The following TMPRSS7 variants were observed in gnomAD, a reference collection of about 807,000 sequenced individuals.
The protein encoded by TMPRSS7 is transmembrane serine protease 7, also known as transmembrane protease serine 7.
A neutral mutation model predicts 95.6 loss-of-function variants in TMPRSS7; 81 were observed. The ratio of observed to expected loss-of-function variants is 0.85; its 90% CI spans 0.71 to 1.02. The LOEUF (loss-of-function observed/expected upper bound fraction) is 1.02. Ranked by LOEUF, TMPRSS7 falls within the 50% of genes least tolerant of loss-of-function variation. The pLI is 0.00. For missense variants in TMPRSS7, 945 were observed against 955.2 expected (o/e 0.99, Z 0.14); for synonymous variants, 364 against 337.8 (o/e 1.08, Z -0.85).
At chr3:112,074,327 T>C (rs1462557831) in exon 14 of TMPRSS7, 4 of 1,613,986 alleles carry the variant, frequency 2.5e-6, no homozygotes, top group African/African-American at 1.3e-5. Flanking sequence ...CTTTTAAGTG[T>C]GGCAATGATA....
chr3:112,045,747 TAGCAG>T lies in TMPRSS7; in HGVS notation c.498-2_500del. The T allele has an allele frequency of 2.6e-6, 4 of 1,546,556 alleles. No homozygotes were observed. Among genetic ancestry groups the T allele is most frequent in the Admixed American group, 4.0e-5 (2 of 50,420 alleles). ...CCTGATGATCTCTCTTTTTTCGTTATAGCAGCAACAACAAAGGCGGCCTCCTTGTC... is the reference window on the plus strand; with the variant it reads ...CCTGATGATCTCTCTTTTTTCGTTATCAACAACAAAGGCGGCCTCCTTGTC... On this transcript the variant is annotated splice_acceptor_variant and coding_sequence_variant, in exon 5 of 18. Coordinates refer to ENST00000452346, the Ensembl canonical transcript of TMPRSS7. LOFTEE classifies it high-confidence loss of function.
At chr3:112,061,846 A>T (rs200937737) in exon 11 of TMPRSS7, 1 of 1,613,168 alleles carries the variant, frequency 6.2e-7, no homozygotes, top group South Asian at 1.1e-5. Context: ...CCTCTGGTTC[A>T]CATTCAGCTC....
At chr3:112,075,353 A>G in exon 15 of TMPRSS7, 3 of 1,462,766 alleles carry the variant, frequency 2.1e-6, no homozygotes, top group Non-Finnish European at 2.7e-6. Context: ...CCTTCACCGC[A>G]TCATCGGAGG....
intron 1 of TMPRSS7, among the ~76,000 whole-genome samples, 187 bp from the exon 2 acceptor site, chr3:112,037,885 T>C (rs1313314663): frequency 6.6e-6 from 1 of 152,210 alleles, no homozygotes; most frequent in Non-Finnish European, 1.5e-5. Context: ...TATCTGATCT[T>C]AATTTTGTGA....
At chr3:112,040,301 A>T (rs1159137713) in intron 2 of TMPRSS7, among the ~76,000 whole-genome samples, 1 of 152,224 alleles carries the variant, frequency 6.6e-6, no homozygotes, top group African/African-American at 2.4e-5. Flanking sequence ...TTCTACTTTC[A>T]GAAAGTTCAG....
intron 13 of TMPRSS7, among the ~76,000 whole-genome samples, chr3:112,067,082 T>G (rs1198695252): frequency 6.6e-6 from 1 of 152,192 alleles, no homozygotes; most frequent in Admixed American, 6.5e-5. Context: ...ATGCAGTGTT[T>G]GGTTTTCCGT....
intron 14 of TMPRSS7, among the ~76,000 whole-genome samples, chr3:112,074,755 C>T (rs543651279): frequency 4.3e-4 from 65 of 152,306 alleles, no homozygotes; most frequent in South Asian, 1.7e-3. Flanking sequence ...CCTTATGTTA[C>T]TAACAATATC....
intron 17 of TMPRSS7, 52 bp downstream of exon 17, chr3:112,078,930 CT>C: frequency 6.3e-7 from 1 of 1,593,972 alleles, no homozygotes; most frequent in South Asian, 1.1e-5. Context: ...TCCATAAATG[CT>C]TTCTCACTTA....
At chr3:112,063,448 T>C in intron 11 of TMPRSS7, 77 bp from the exon 12 acceptor site, 1 of 1,125,136 alleles carries the variant, frequency 8.9e-7, no homozygotes, top group Non-Finnish European at 1.3e-6. Flanking sequence ...CTTCACACTT[T>C]AAATTTGCTA....
intron 9 of TMPRSS7, among the ~76,000 whole-genome samples, chr3:112,055,783 AT>A (rs1228708380): frequency 6.6e-6 from 1 of 152,314 alleles, no homozygotes; most frequent in East Asian, 1.9e-4. Context: ...ACAAAAAGCA[AT>A]TTATAATGAT....
At chr3:112,038,563 T>C (rs112848174) in intron 2 of TMPRSS7, among the ~76,000 whole-genome samples, 5,370 of 152,282 alleles carry the variant, frequency 0.035, 137 homozygotes, top group Non-Finnish European at 0.048. Flanking sequence ...CTTGAACTCC[T>C]GGGCTCAAGC....
At chr3:112,039,472 C>T (rs2073183715) in intron 2 of TMPRSS7, 1 of 152,012 alleles carries the variant, frequency 6.6e-6, no homozygotes, top group Non-Finnish European at 1.5e-5. Flanking sequence ...GCTGAAAGCC[C>T]CTAGGTAACC....
At chr3:112,054,816 T>C (rs2073412243) in intron 9 of TMPRSS7, among the ~76,000 whole-genome samples, 1 of 133,166 alleles carries the variant, frequency 7.5e-6, no homozygotes, top group African/African-American at 2.8e-5. Context: ...CTCGGCTCAC[T>C]GCAAGCTCCG....
chr3:112,067,607 T>C (rs1282506272), intron 13 of TMPRSS7, among the ~76,000 whole-genome samples: 1 of 152,266 alleles, frequency 6.6e-6, no homozygotes, highest in Non-Finnish European at 1.5e-5. Context: ...TTCTTGTGTC[T>C]GTTGGCTGCA....
chr3:112,065,386 C>T (rs534993402), intron 12 of TMPRSS7, among the ~76,000 whole-genome samples: 2 of 152,206 alleles, frequency 1.3e-5, no homozygotes, highest in African/African-American at 4.8e-5. Flanking sequence ...CAAAATTTGT[C>T]TTAGCTTATG....
intron 4 of TMPRSS7, 29 bp downstream of exon 4, chr3:112,044,351 C>A: frequency 6.5e-7 from 1 of 1,528,762 alleles, no homozygotes; most frequent in Admixed American, 2.0e-5. Context: ...TTTGAGATTT[C>A]TGTGTTCATT....
At chr3:112,057,974 C>T (rs183924953) in intron 10 of TMPRSS7, among the ~76,000 whole-genome samples, 2 of 152,290 alleles carry the variant, frequency 1.3e-5, no homozygotes, top group East Asian at 3.9e-4. Context: ...GATCCACCTT[C>T]CTAAGCCTCC....
chr3:112,073,811 A>G (rs2073680771), intron 13 of TMPRSS7, among the ~76,000 whole-genome samples: 1 of 152,214 alleles, frequency 6.6e-6, no homozygotes, highest in Admixed American at 6.5e-5. Flanking sequence ...CTTGCCAAAT[A>G]CTGGAATGGA....
Position 112,068,356 on chromosome 3 carries a change from CGA to C in TMPRSS7, c.1666+1855_1666+1856del, listed in dbSNP as rs1559961797. Among the ~76,000 whole-genome samples, 4 of 152,124 alleles carry C rather than the reference CGA, an allele frequency of 2.6e-5. No individual in the cohort carries two copies. The East Asian group carries it at 7.7e-4, about 29-fold the overall frequency. The stretch of plus-strand genomic sequence containing the variant: ...CTTAAAGTAGTGTTTTCCAGTTCTG[CGA>C]AGAAAGTCATTGGTAGCTTGATGGA... On this transcript the variant is annotated intron_variant, in intron 13 of 17. Transcript: ENST00000452346.
Sources: allele counts gnomAD v4.1 joint callset (sites outside exome capture counted in the v4.1 genomes callset), GRCh38; gene constraint gnomAD v4.1.1; transcripts MANE v1.5; gene names NCBI Gene and HGNC (gene_info 2026-07-23, HGNC 2026-07-21).